Variants in FDFT1 observed in about 807,000 individuals in gnomAD.
The protein encoded by FDFT1 is squalene synthase.
In FDFT1, 68 loss-of-function variants were observed where a neutral mutation model predicts 46.8. That is an observed-to-expected ratio of 1.45 (90% CI 1.19 to 1.78). The LOEUF (loss-of-function observed/expected upper bound fraction) is 1.78. Ranked by LOEUF, FDFT1 falls within the 40% of genes most tolerant of loss-of-function variation. The pLI, the probability that FDFT1 is intolerant of heterozygous loss-of-function variation, is 0.00. For missense variants in FDFT1, 928 were observed against 524.4 expected (o/e 1.77, Z -7.52); for synonymous variants, 351 against 185.1 (o/e 1.90, Z -7.28).
chr8:11,802,054 A>C, upstream of FDFT1: 3 of 455,772 alleles, frequency 6.6e-6, no homozygotes, highest in Non-Finnish European at 1.3e-5. Context: ...TTCCTGTTAC[A>C]GGCTCTCTAA....
intron 7 of FDFT1, among the ~76,000 whole-genome samples, chr8:11,837,907 G>C (rs889045167): frequency 2.0e-5 from 3 of 152,280 alleles, no homozygotes; most frequent in Admixed American, 2.0e-4. Context: ...AGGACTCCAG[G>C]GTGGTTCATA....
upstream of FDFT1, chr8:11,797,862 G>A (rs1030046295): frequency 3.3e-5 from 5 of 152,170 alleles, no homozygotes; most frequent in African/African-American, 1.2e-4. Context: ...CTGTTCGGGG[G>A]ACAATAAGTG....
chr8:11,830,752 C>CTG (rs1179697409), intron 6 of FDFT1, among the ~76,000 whole-genome samples: 1 of 152,152 alleles, frequency 6.6e-6, no homozygotes, highest in Admixed American at 6.5e-5. Flanking sequence ...CTGGGTGAAG[C>CTG]TGTTATCATT....
chr8:11,797,399 C>T (rs914475533), upstream of FDFT1, among the ~76,000 whole-genome samples: 2 of 152,168 alleles, frequency 1.3e-5, no homozygotes, highest in African/African-American at 4.8e-5. Context: ...ATAGCACCAT[C>T]ACATAACATG....
intron 3 of FDFT1, among the ~76,000 whole-genome samples, chr8:11,815,277 C>T (rs937010214): frequency 6.6e-6 from 1 of 152,080 alleles, no homozygotes; most frequent in African/African-American, 2.4e-5. Flanking sequence ...TATTGATGGA[C>T]ATTTGGGTTG....
At chr8:11,826,298 A>G in intron 5 of FDFT1, 83 bp downstream of exon 5, 1 of 1,091,872 alleles carries the variant, frequency 9.2e-7, no homozygotes, top group Non-Finnish European at 1.3e-6. Context: ...TGCGGGTGAC[A>G]GAAAAACAAG....
At position 11,821,810 on chromosome 8, in the gene FDFT1, C is replaced by G; in HGVS notation, c.442C>G (p.Arg148Gly). Residue 148 changes from arginine (R) to glycine (G), a missense_variant, in exon 4 of 8, where the codon CGG (arginine) becomes GGG (glycine). Physicochemically the swap from Arg to Gly is moderately radical, Grantham distance 125. Coordinates refer to ENST00000220584, the MANE Select transcript of FDFT1 (RefSeq NM_004462.5). ...KYQTVIADICRRMGIGMAEFL... is the reference protein window; with the variant it reads ...KYQTVIADICGRMGIGMAEFL... ...CCAAACAGTGATTGCCGACATTTGCCGGAGAATGGGCATTGGGATGGCAGA... is the reference window on the plus strand; with the variant it reads ...CCAAACAGTGATTGCCGACATTTGCGGGAGAATGGGCATTGGGATGGCAGA... The G allele has an allele frequency of 1.2e-6, 2 of 1,613,614 alleles. No individual in the cohort carries two copies. Among genetic ancestry groups the G allele is most frequent in the Non-Finnish European group, 8.5e-7 (1 of 1,179,666 alleles).
At chr8:11,802,295 C>T (rs1403739020), upstream of FDFT1, 3 of 389,258 alleles carry the variant, frequency 7.7e-6, no homozygotes, top group African/African-American at 4.2e-5. Context: ...ACCCGGCTGG[C>T]AGGAGCCACC....
At position 11,830,387 on chromosome 8, in the gene FDFT1, C is replaced by A. The variant is rs147848089; in HGVS notation, c.846C>A (p.Asn282Lys). 5.0e-6 allele frequency: 8 copies of A among 1,613,792 alleles called. No homozygotes were observed. In the South Asian group the frequency reaches 8.8e-5, roughly 18 times the overall value. ...TCACCTACCTTTCGAGACTCAGAAA[C>A]CAGAGTGTGTTTAACTTCTGTGCTA... Reference protein sequence around the residue: ...DVITYLSRLRNQSVFNFCAIP... With the variant: ...DVITYLSRLRKQSVFNFCAIP... Residue 282 changes from asparagine (N) to lysine (K), a missense_variant, in exon 6 of 8, where the codon AAC (asparagine) becomes AAA (lysine). Asn to Lys is a moderately conservative substitution (Grantham distance 94). Coordinates refer to ENST00000220584, the MANE Select transcript of FDFT1 (RefSeq NM_004462.5).
chr8:11,807,310 C>T (rs528178574), intron 1 of FDFT1, among the ~76,000 whole-genome samples: 2 of 151,990 alleles, frequency 1.3e-5, no homozygotes, highest in Admixed American at 6.6e-5. Context: ...GCCACCACAC[C>T]TGGCTTTTTA....
At chr8:11,803,442 T>C (rs1285085840) in intron 1 of FDFT1, 1 of 1,284,656 alleles carries the variant, frequency 7.8e-7, no homozygotes, top group Non-Finnish European at 1.0e-6. Context: ...TTCCTGAGTT[T>C]TAAAATCGCC....
chr8:11,827,949 C>T (rs1317001161), intron 5 of FDFT1, among the ~76,000 whole-genome samples: 1 of 151,768 alleles, frequency 6.6e-6, no homozygotes, highest in Non-Finnish European at 1.5e-5. Flanking sequence ...TGCCTATAAT[C>T]CCAGCACTTT....
intron 1 of FDFT1, chr8:11,808,279 G>T: frequency 8.2e-7 from 1 of 1,220,184 alleles, no homozygotes; most frequent in Admixed American, 4.3e-5. Context: ...CGAGCCGCTC[G>T]GAAGTGCGCT....
chr8:11,809,788 C>G lies in FDFT1; in HGVS notation c.319C>G (p.Pro107Ala), dbSNP rs970626254. Residue 107 changes from proline to alanine, a missense_variant, in exon 3 of 8, where the codon CCA becomes GCA. By Grantham distance (27) the Pro-to-Ala change is conservative (BLOSUM62 -1). Coordinates refer to ENST00000220584, the MANE Select transcript of FDFT1 (RefSeq NM_004462.5). ...LHNFHSFLYQPDWRFMESKEK... is the reference protein window; with the variant it reads ...LHNFHSFLYQADWRFMESKEK... ...CAACTTTCACTCTTTCCTTTACCAACCAGACTGGCGGTTCATGGAGAGCAA... is the reference window on the plus strand; with the variant it reads ...CAACTTTCACTCTTTCCTTTACCAAGCAGACTGGCGGTTCATGGAGAGCAA... 12 of 1,614,076 alleles carry G rather than the reference C, an allele frequency of 7.4e-6. No individual in the cohort carries two copies. Among genetic ancestry groups the G allele is most frequent in the Admixed American group, 1.7e-5 (1 of 60,008 alleles).
At chr8:11,801,890 C>G (rs1806155385), upstream of FDFT1, 2 of 447,876 alleles carry the variant, frequency 4.5e-6, no homozygotes, top group African/African-American at 4.1e-5. Context: ...CGGGTTTCAC[C>G]ATGTTGGCCA....
chr8:11,833,053 G>T (rs186126345), intron 7 of FDFT1, among the ~76,000 whole-genome samples: 1 of 152,122 alleles, frequency 6.6e-6, no homozygotes, highest in Non-Finnish European at 1.5e-5. Context: ...CAGAAATGCT[G>T]TATGTCCAGA....
intron 1 of FDFT1, among the ~76,000 whole-genome samples, chr8:11,806,506 C>G (rs545826147): frequency 2.6e-5 from 4 of 152,140 alleles, no homozygotes; most frequent in East Asian, 1.9e-4. Flanking sequence ...TTGGCTTGCT[C>G]TCTTTCAGAA....
chr8:11,819,967 C>G (rs1359671696), intron 3 of FDFT1, among the ~76,000 whole-genome samples: 1 of 152,090 alleles, frequency 6.6e-6, no homozygotes, highest in East Asian at 1.9e-4. Flanking sequence ...TGTGGTTTCT[C>G]CCCATCTTTG....
At chr8:11,797,431 T>C (rs563532363), upstream of FDFT1, among the ~76,000 whole-genome samples, 5 of 152,296 alleles carry the variant, frequency 3.3e-5, no homozygotes, top group African/African-American at 1.2e-4. Flanking sequence ...CTCTGCATTG[T>C]AAGCTCCTTG....
Sources: gnomAD v4.1 joint callset for allele counts (sites outside exome capture counted in the v4.1 genomes callset) on GRCh38, gnomAD v4.1.1 for gene constraint, MANE v1.5 for transcripts, NCBI Gene and HGNC (gene_info 2026-07-23, HGNC 2026-07-21) for gene names.